ZNF226: variants seen among roughly 807,000 people sequenced by gnomAD.
ZNF226 encodes the protein Kruppel-associated box protein.
ZNF226 carries 6 observed loss-of-function variants against 11.4 expected under a neutral mutation model. The ratio of observed to expected loss-of-function variants is 0.53; its 90% CI spans 0.29 to 1.04. The LOEUF (loss-of-function observed/expected upper bound fraction) is 1.04. ZNF226 is among the 50% of genes least tolerant of loss of function. ZNF226 has a pLI of 0.08. For missense variants in ZNF226, 1,058 were observed against 956.5 expected, an observed-to-expected ratio of 1.11 and a Z score of -1.40; for synonymous variants, 350 against 322.8, an observed-to-expected ratio of 1.08 and a Z score of -0.90.
At chr19:44,173,707 G>C (rs8108934) in intron 5 of ZNF226, 66,068 of 152,008 alleles carry the variant, frequency 0.43, 16,129 homozygotes, top group South Asian at 0.64. Flanking sequence ...GCAGTGAGCT[G>C]AGATCGTGCC....
downstream of ZNF226, among the ~76,000 whole-genome samples, chr19:44,178,587 A>G (rs1599742166): frequency 6.6e-6 from 1 of 152,192 alleles, no homozygotes; most frequent in East Asian, 1.9e-4. Flanking sequence ...AATTTGATAA[A>G]TTTCATCAAA....
At chr19:44,180,906 G>A (rs1212759333), downstream of ZNF226, among the ~76,000 whole-genome samples, 1 of 152,172 alleles carries the variant, frequency 6.6e-6, no homozygotes, top group African/African-American at 2.4e-5. Context: ...GATGGGGCTA[G>A]CAACCAGGGA....
downstream of ZNF226, among the ~76,000 whole-genome samples, chr19:44,181,133 C>G (rs565552947): frequency 6.6e-6 from 1 of 152,312 alleles, no homozygotes; most frequent in African/African-American, 2.4e-5. Flanking sequence ...AATCCCAGCC[C>G]TTTGGGAGGC....
chr19:44,166,529 T>C (rs1325472580), intron 2 of ZNF226, among the ~76,000 whole-genome samples: 1 of 152,178 alleles, frequency 6.6e-6, no homozygotes, highest in East Asian at 1.9e-4. Context: ...TAAAAATAGT[T>C]TTCTCAATTA....
chr19:44,176,479 T>G lies in ZNF226; in HGVS notation c.1217T>G (p.Leu406Arg). The G allele has an allele frequency of 1.9e-6, 3 of 1,613,874 alleles. No homozygotes were observed. The highest frequency in any genetic ancestry group is 2.5e-6 in the Non-Finnish European group (3 of 1,179,972). ...CGKSFSRNSH[L>R]QSHQRVHTGE... The stretch of plus-strand genomic sequence containing the variant: ...AAGAGCTTCAGTCGGAATTCACATC[T>G]TCAATCCCATCAAAGAGTTCATACA... The change falls in exon 6 of 6, where the codon CTT becomes CGT. Residue 406 changes from leucine (L) to arginine (R), a missense_variant. Transcript: ENST00000337433.
At chr19:44,198,849 G>A in the ZNF226 span, among the ~76,000 whole-genome samples, 1 of 151,978 alleles carries the variant, frequency 6.6e-6, no homozygotes, top group Admixed American at 6.6e-5. Context: ...CTGTTATACA[G>A]GCTGGAGTGC....
Position 44,170,052 on chromosome 19 carries a change from C to CT in ZNF226, c.-28dup, listed in dbSNP as rs1568564498. Reference sequence around the variant, plus strand: ...TTTCCTAGTTCAGCTTCTTAGGACTCTGCACTTCCCCAGAAGGAAGAATTA... The same window carrying CT: ...TTTCCTAGTTCAGCTTCTTAGGACTCTTGCACTTCCCCAGAAGGAAGAATTA... On this transcript the variant is annotated 5_prime_UTR_variant, in exon 3 of 6. Coordinates refer to ENST00000337433, the MANE Select transcript of ZNF226 (RefSeq NM_001032373.2). 6.2e-7 allele frequency: 1 copy of CT among 1,607,256 alleles called. No homozygotes were observed. The highest frequency in any genetic ancestry group is 8.5e-7 in the Non-Finnish European group (1 of 1,176,280).
At chr19:44,192,371 T>A in the ZNF226 span, among the ~76,000 whole-genome samples, 1 of 151,930 alleles carries the variant, frequency 6.6e-6, no homozygotes, top group Non-Finnish European at 1.5e-5. Context: ...GACTCCAAAG[T>A]TGAGGGAGAG....
At position 44,176,970 on chromosome 19, in the gene ZNF226, C is replaced by G; in HGVS notation, c.1708C>G (p.Gln570Glu). Residue 570 changes from glutamine to glutamate, a missense_variant, in exon 6 of 6, where the codon CAG becomes GAG. By Grantham distance (29) the Gln-to-Glu change is conservative (BLOSUM62 2). Transcript: ENST00000337433. ...TGAGGAGTGTGGGCAGGGTTTCAAT[C>G]AGAGCTCACGACTTCAGATTCACCA... ...KCEECGQGFN[Q>E]SSRLQIHQLI... 6.2e-7 allele frequency: 1 copy of G among 1,613,892 alleles called. No homozygotes were observed. Among genetic ancestry groups the G allele is most frequent in the South Asian group, 1.1e-5 (1 of 91,070 alleles).
At chr19:44,174,625 C>T (rs963425532) in intron 5 of ZNF226, 2 of 168,824 alleles carry the variant, frequency 1.2e-5, no homozygotes, top group Non-Finnish European at 2.5e-5. Context: ...TGATATGATA[C>T]TTTATCTGTT....
rs866792431 is a variant in ZNF226 at position 44,176,854 on chromosome 19, A to G, written c.1592A>G (p.Tyr531Cys). 1.4e-5 allele frequency: 22 copies of G among 1,614,022 alleles called. No individual in the cohort carries two copies. The highest frequency in any genetic ancestry group is 3.3e-5 in the Admixed American group (2 of 60,000). ...GTGGTCCACACAGGAGAGAAACCCT[A>G]TAAATGTGAGATATGTGGGAAGGGC... ...HLVVHTGEKP[Y>C]KCEICGKGFS... is the part of the protein sequence containing the mutation. Residue 531 changes from tyrosine (Y) to cysteine (C), a missense_variant, in exon 6 of 6, where the codon TAT becomes TGT. By Grantham distance (194) the Tyr-to-Cys change is radical (BLOSUM62 -2). Coordinates refer to ENST00000337433, the MANE Select transcript of ZNF226 (RefSeq NM_001032373.2).
intron 2 of ZNF226, among the ~76,000 whole-genome samples, chr19:44,166,317 A>G (rs1169192477): frequency 1.3e-5 from 2 of 152,206 alleles, no homozygotes; most frequent in Admixed American, 1.3e-4. Flanking sequence ...TCTGGCCAAC[A>G]TGGCGAAACC....
At chr19:44,190,576 C>T in the ZNF226 span, among the ~76,000 whole-genome samples, 12 of 152,078 alleles carry the variant, frequency 7.9e-5, no homozygotes, top group East Asian at 2.1e-3. Flanking sequence ...ACCTCTTGAT[C>T]CGCCCGCCTC....
At chr19:44,184,832 A>C in the ZNF226 span, among the ~76,000 whole-genome samples, 1 of 152,188 alleles carries the variant, frequency 6.6e-6, no homozygotes, top group African/African-American at 2.4e-5. Flanking sequence ...TGTACAATTC[A>C]TTAGTGTAAA....
the ZNF226 span, among the ~76,000 whole-genome samples, chr19:44,193,293 AG>A: frequency 6.6e-6 from 1 of 152,144 alleles, no homozygotes; most frequent in Admixed American, 6.5e-5. Flanking sequence ...AAACACAAAA[AG>A]ATCTTATAGC....
At chr19:44,185,218 A>G in the ZNF226 span, among the ~76,000 whole-genome samples, 9 of 152,242 alleles carry the variant, frequency 5.9e-5, no homozygotes, top group African/African-American at 2.2e-4. Context: ...GCTGTGATGA[A>G]TATCTATTCC....
the ZNF226 span, among the ~76,000 whole-genome samples, chr19:44,191,393 C>T: frequency 6.6e-6 from 1 of 152,128 alleles, no homozygotes; most frequent in African/African-American, 2.4e-5. Flanking sequence ...GACCATCAGA[C>T]CTTTTTAAAT....
chr19:44,180,761 A>C (rs1038899906), downstream of ZNF226, among the ~76,000 whole-genome samples: 4 of 152,202 alleles, frequency 2.6e-5, no homozygotes, highest in African/African-American at 9.6e-5. Flanking sequence ...ATGTTAAACC[A>C]AATGATTTGT....
chr19:44,175,467 C>CAAAAAAAAAA (rs1000082345), intron 5 of ZNF226, 31 bp from the exon 6 acceptor site: 3 of 1,532,594 alleles, frequency 2.0e-6, no homozygotes, highest in Non-Finnish European at 2.6e-6. Flanking sequence ...CAAAAAAATT[C>CAAAAAAAAAA]ACTATCTCTC....
Sources: gnomAD v4.1 joint callset for allele counts (sites outside exome capture counted in the v4.1 genomes callset) on GRCh38, gnomAD v4.1.1 for gene constraint, MANE v1.5 for transcripts, NCBI Gene and HGNC (gene_info 2026-07-23, HGNC 2026-07-21) for gene names.